Variants in PHF3 observed in about 807,000 individuals in gnomAD.
The protein encoded by PHF3 is PHD finger protein 3.
In PHF3, 41 loss-of-function variants were observed where a neutral mutation model predicts 178.4. The ratio of observed to expected loss-of-function variants is 0.23; its 90% CI spans 0.18 to 0.30. The LOEUF is 0.30. Ranked by LOEUF, PHF3 falls within the 10% of genes least tolerant of loss-of-function variation. PHF3 has a pLI of 1.00. For missense variants in PHF3, 2,346 were observed against 2,398.1 expected, an observed-to-expected ratio of 0.98 and a Z score of 0.45; for synonymous variants, 842 against 800.5, an observed-to-expected ratio of 1.05 and a Z score of -0.88.
rs1054250508 is a variant in PHF3 at position 63,712,017 on chromosome 6, A to G, written c.4429A>G (p.Thr1477Ala). 13 of 1,613,642 alleles carry G rather than the reference A, an allele frequency of 8.1e-6. No individual in the cohort carries two copies. The highest frequency in any genetic ancestry group is 1.1e-5 in the Non-Finnish European group (13 of 1,179,934). ...DDILQSLLGT[T>A]GQVYDQAQSV... Reference sequence around the variant, plus strand: ...TATACTTCAAAGCCTTTTGGGCACCACTGGTCAAGTATATGACCAGGCCCA... The same window carrying G: ...TATACTTCAAAGCCTTTTGGGCACCGCTGGTCAAGTATATGACCAGGCCCA... The change falls in exon 16 of 16, where the codon ACT (threonine) becomes GCT (alanine). Residue 1477 changes from threonine to alanine, a missense_variant. Transcript: ENST00000262043.
chr6:63,662,539 C>T (rs1376504021), intron 2 of PHF3, among the ~76,000 whole-genome samples: 1 of 152,048 alleles, frequency 6.6e-6, no homozygotes, highest in Non-Finnish European at 1.5e-5. Context: ...GTGTCTTCTC[C>T]CCTTGTACTC....
intron 5 of PHF3, among the ~76,000 whole-genome samples, chr6:63,692,368 T>G (rs1162866221): frequency 6.6e-6 from 1 of 152,154 alleles, no homozygotes; most frequent in Non-Finnish European, 1.5e-5. Context: ...TAAGTTGTTT[T>G]AAAAAAGCTT....
intron 1 of PHF3, 37 bp downstream of exon 1, chr6:63,636,187 C>G (rs1349867889): frequency 2.7e-6 from 1 of 374,070 alleles, no homozygotes; most frequent in Non-Finnish European, 4.7e-6. Context: ...GGGAGACGGG[C>G]AATCCTCCCC....
rs977979723 is a variant in PHF3, at chr6:63,712,334, A to G, written c.4746A>G (p.Gln1582=). ...FLTNLSIQSK[Q]EETVESKEKT... The stretch of plus-strand genomic sequence containing the variant: ...CAAATTTATCAATTCAGTCAAAACA[A>G]GAGGAAACTGTGGAGAGTAAAGAGA... The change falls in exon 16 of 16, where the codon CAA becomes CAG. Residue 1582 remains glutamine, a synonymous_variant. Coordinates refer to ENST00000262043, the MANE Select transcript of PHF3 (RefSeq NM_001370348.2). The G allele has an allele frequency of 2.9e-5, 46 of 1,613,146 alleles. No homozygotes were observed. Among genetic ancestry groups the G allele is most frequent in the Non-Finnish European group, 3.9e-5 (46 of 1,179,824 alleles).
chr6:63,713,710 A>G lies in PHF3; in HGVS notation c.*2A>G, dbSNP rs374525323. ...GACAGAACTAAAAGCAAAAGGTAAAATTTGCAGGCTGCTTCAGGATTACAT... is the reference window on the plus strand; with the variant it reads ...GACAGAACTAAAAGCAAAAGGTAAAGTTTGCAGGCTGCTTCAGGATTACAT... On this transcript the variant is annotated 3_prime_UTR_variant, in exon 16 of 16. Coordinates refer to ENST00000262043, the MANE Select transcript of PHF3 (RefSeq NM_001370348.2). 7.1e-6 allele frequency: 11 copies of G among 1,545,866 alleles called. No individual in the cohort carries two copies. The highest frequency in any genetic ancestry group is 2.8e-5 in the African/African-American group (2 of 71,714).
rs748631114 is a variant in PHF3 at position 63,692,041 on chromosome 6, C to T, written c.2494C>T (p.Arg832Trp). The stretch of plus-strand genomic sequence containing the variant: ...GAAGCACAAGGTCAAAATTTTAAAA[C>T]GGGTGAGCTCTTCATTAATGCATTA... ...TVKHKVKILKRESGEGRNSSD... is the reference protein window; with the variant it reads ...TVKHKVKILKWESGEGRNSSD... The change falls in exon 5 of 16, where the codon CGG becomes TGG. Residue 832 changes from arginine to tryptophan, a missense_variant and splice_region_variant. By Grantham distance (101) the Arg-to-Trp change is moderately radical. Transcript: ENST00000262043. 40 of 1,597,298 alleles carry T rather than the reference C, an allele frequency of 2.5e-5. No individual in the cohort carries two copies. Among genetic ancestry groups the T allele is most frequent in the Admixed American group, 5.1e-5 (3 of 58,394 alleles).
In PHF3 at chr6:63,713,846, G is replaced by C. The variant is rs1334450014; in HGVS notation, c.*138G>C. ...GGTCATTTGCAGAACAGTAAATTCT[G>C]TGTGTTGGTACAGAGTGCTCTGTAC... is the stretch of plus-strand genomic sequence containing the variant. On this transcript the variant is annotated 3_prime_UTR_variant, in exon 16 of 16. Transcript: ENST00000262043. 2.9e-5 allele frequency: 20 copies of C among 686,758 alleles called. No individual in the cohort carries two copies. The highest frequency in any genetic ancestry group is 4.8e-5 in the Non-Finnish European group (20 of 415,766). The allele number at this position is 686,758 out of a possible 1,614,324, so 42.5% of individuals were successfully genotyped here. A position where few individuals can be genotyped will look rare whatever the true frequency, so the allele number is the denominator to read the frequency against.
chr6:63,709,198 A>C lies in PHF3; in HGVS notation c.3759A>C (p.Thr1253=), dbSNP rs781088537. ...TAGGTGGCAGGATATCACCTCAGACAGTTTGGGATTATGTGGAAAAAATAA... is the reference window on the plus strand; with the variant it reads ...TAGGTGGCAGGATATCACCTCAGACCGTTTGGGATTATGTGGAAAAAATAA... The part of the protein sequence containing the change: ...IQVGGRISPQ[T]VWDYVEKIKA... Residue 1253 remains threonine, a synonymous_variant, in exon 14 of 16, where the codon ACA becomes ACC. Coordinates refer to ENST00000262043, the MANE Select transcript of PHF3 (RefSeq NM_001370348.2). The C allele has an allele frequency of 1.2e-6, 2 of 1,612,158 alleles. No homozygotes were observed.
intron 3 of PHF3, among the ~76,000 whole-genome samples, chr6:63,683,823 A>C (rs1348495333): frequency 2.0e-5 from 3 of 152,126 alleles, no homozygotes; most frequent in African/African-American, 7.2e-5. Context: ...CTCCTAGGTT[A>C]CTTTTTATGG....
rs1460614669 is a variant in PHF3, at chr6:63,684,619, C to A, written c.897C>A (p.Ser299=). 6.2e-7 allele frequency: 1 copy of A among 1,613,872 alleles called. No homozygotes were observed. The highest frequency in any genetic ancestry group is 8.5e-7 in the Non-Finnish European group (1 of 1,179,906). Reference sequence around the variant, plus strand: ...AAGAAGAACATGAACAAAATGATTCCATTTCAGGTAAAACGGGTGAGACTG... The same window carrying A: ...AAGAAGAACATGAACAAAATGATTCAATTTCAGGTAAAACGGGTGAGACTG... ...SDKEEHEQND[S]ISGKTGETVV... The change falls in exon 4 of 16, where the codon TCC becomes TCA. Residue 299 remains serine, a synonymous_variant. Coordinates refer to ENST00000262043, the MANE Select transcript of PHF3 (RefSeq NM_001370348.2).
At chr6:63,672,011 T>A (rs564575264) in intron 2 of PHF3, among the ~76,000 whole-genome samples, 16 of 152,284 alleles carry the variant, frequency 1.1e-4, no homozygotes, top group African/African-American at 3.6e-4. Context: ...CCCAGCTAAT[T>A]TTTGTGTTTT....
intron 3 of PHF3, 104 bp downstream of exon 3, chr6:63,680,265 T>C: frequency 9.5e-7 from 1 of 1,055,978 alleles, no homozygotes; most frequent in Admixed American, 2.6e-5. Flanking sequence ...GATGTTTTGC[T>C]AATCCATTCG....
chr6:63,668,858 C>T (rs146705960), intron 2 of PHF3, among the ~76,000 whole-genome samples: 1 of 151,786 alleles, frequency 6.6e-6, no homozygotes, highest in South Asian at 2.1e-4. Context: ...TTTCATTCTG[C>T]GATTTTTAAT....
intron 1 of PHF3, among the ~76,000 whole-genome samples, chr6:63,643,524 TC>T (rs1351830466): frequency 6.6e-6 from 1 of 152,220 alleles, no homozygotes; most frequent in African/African-American, 2.4e-5. Context: ...TTCTTTGGAC[TC>T]ACAAATGTGA....
intron 4 of PHF3, 63 bp from the exon 5 acceptor site, chr6:63,691,674 T>C (rs991937981): frequency 1.5e-6 from 2 of 1,368,370 alleles, no homozygotes; most frequent in Admixed American, 2.3e-5. Flanking sequence ...TTTAGCCTCA[T>C]TTTTGACATA....
chr6:63,696,478 C>T (rs1366818554), intron 6 of PHF3, among the ~76,000 whole-genome samples: 2 of 152,100 alleles, frequency 1.3e-5, no homozygotes, highest in Non-Finnish European at 2.9e-5. Flanking sequence ...ACCACCACAC[C>T]CAGCTAATTT....
chr6:63,641,405 C>G (rs1448068958), intron 1 of PHF3, among the ~76,000 whole-genome samples: 1 of 152,010 alleles, frequency 6.6e-6, no homozygotes, highest in African/African-American at 2.4e-5. Context: ...TTTTGCTCCC[C>G]TCACACCACC....
At position 63,705,909 on chromosome 6, in the gene PHF3, A is replaced by G; in HGVS notation, c.3368-120A>G. The G allele has an allele frequency of 5.7e-6, 4 of 698,190 alleles. No homozygotes were observed. The South Asian group carries it at 8.5e-5, about 15-fold the overall frequency. 43.2% of individuals were successfully genotyped at this position (698,190 alleles called of 1,614,324 possible). Reference sequence around the variant, plus strand: ...GATGACAGTTAGATATAACCCCAGGAAATGTATGGTTACTCAGCAATTGAA... The same window carrying G: ...GATGACAGTTAGATATAACCCCAGGGAATGTATGGTTACTCAGCAATTGAA... On this transcript the variant is annotated intron_variant, in intron 11 of 15. Transcript: ENST00000262043.
intron 8 of PHF3, among the ~76,000 whole-genome samples, chr6:63,699,949 C>T (rs1047801383): frequency 2.0e-5 from 3 of 152,152 alleles, no homozygotes; most frequent in South Asian, 2.1e-4. Flanking sequence ...CAGTTTCCTC[C>T]AAGCCTGTCA....
Sources: gnomAD v4.1 joint callset for allele counts (sites outside exome capture counted in the v4.1 genomes callset) on GRCh38, gnomAD v4.1.1 for gene constraint, MANE v1.5 for transcripts, NCBI Gene and HGNC (gene_info 2026-07-23, HGNC 2026-07-21) for gene names.